ITSN1: variants seen among roughly 807,000 people sequenced by gnomAD.
ITSN1 encodes the protein intersectin-1.
In ITSN1, 58 loss-of-function variants were observed where a neutral mutation model predicts 239.8. That is an observed-to-expected ratio of 0.24 (90% confidence interval 0.20 to 0.30). The LOEUF (loss-of-function observed/expected upper bound fraction) is 0.30, where lower values mean the gene tolerates loss of function less well. Among genes scored for constraint, ITSN1 ranks in the 10% least tolerant of loss-of-function variants. The pLI is 1.00. For missense variants in ITSN1, 1,558 were observed against 2,103.3 expected, an observed-to-expected ratio of 0.74 and a Z score of 5.07; for synonymous variants, 780 against 770.8, an observed-to-expected ratio of 1.01 and a Z score of -0.20.
At chr21:33,833,079 A>G (rs2074388735) in intron 27 of ITSN1, among the ~76,000 whole-genome samples, 1 of 151,978 alleles carries the variant, frequency 6.6e-6, no homozygotes, top group Admixed American at 6.5e-5. Context: ...GGTGGTGTAC[A>G]GAAGGGTAGT....
rs1052692501 is a variant in ITSN1 at position 33,722,523 on chromosome 21, A to G, written c.122-65A>G. 7.9e-6 allele frequency: 12 copies of G among 1,512,848 alleles called. No homozygotes were observed. In the African/African-American group the frequency reaches 1.6e-4, roughly 20 times the overall value. The allele number at this position is 1,512,848 out of a possible 1,614,324, so 93.7% of individuals were successfully genotyped here. On this transcript the variant is annotated intron_variant, in intron 3 of 39. Transcript: ENST00000381318. Reference sequence around the variant, plus strand: ...TTGTAAATTTTGTAATTTTGCTATTACAGGATTTCTGTCAGCTGTTGTTTT... The same window carrying G: ...TTGTAAATTTTGTAATTTTGCTATTGCAGGATTTCTGTCAGCTGTTGTTTT...
At chr21:33,813,259 C>T (rs934998478) in intron 21 of ITSN1, among the ~76,000 whole-genome samples, 2 of 152,120 alleles carry the variant, frequency 1.3e-5, no homozygotes, top group African/African-American at 4.8e-5. Flanking sequence ...CAGCAGCTCA[C>T]TGCAACTTCC....
At chr21:33,754,352 A>G (rs2067772207) in intron 7 of ITSN1, 1 of 152,246 alleles carries the variant, frequency 6.6e-6, no homozygotes, top group Non-Finnish European at 1.5e-5. Flanking sequence ...TAGATAACAC[A>G]TGGAAATGAT....
At chr21:33,731,762 C>T (rs993984749) in intron 4 of ITSN1, among the ~76,000 whole-genome samples, 10 of 152,122 alleles carry the variant, frequency 6.6e-5, no homozygotes, top group Admixed American at 2.6e-4. Context: ...ATACAGTAAC[C>T]ATTTCTAATA....
At chr21:33,729,567 C>G (rs2066040607) in intron 4 of ITSN1, among the ~76,000 whole-genome samples, 1 of 151,984 alleles carries the variant, frequency 6.6e-6, no homozygotes, top group Non-Finnish European at 1.5e-5. Flanking sequence ...TAAGGACATG[C>G]CGGGAGGAAA....
chr21:33,694,626 G>A (rs1002084569), intron 1 of ITSN1, among the ~76,000 whole-genome samples: 5 of 152,076 alleles, frequency 3.3e-5, no homozygotes. Flanking sequence ...TTCAAAACCA[G>A]CCTGGCCAAC....
intron 12 of ITSN1, chr21:33,774,401 C>A (rs540819224): frequency 5.6e-4 from 101 of 181,406 alleles, no homozygotes; most frequent in Admixed American, 9.1e-4. Context: ...TCCTTCTTGG[C>A]GTGTCAGTAA....
intron 8 of ITSN1, among the ~76,000 whole-genome samples, chr21:33,756,037 C>T (rs1412007019): frequency 1.3e-5 from 2 of 152,072 alleles, no homozygotes; most frequent in Admixed American, 1.3e-4. Context: ...GGTGCAGTGG[C>T]TCACGCCTGT....
At chr21:33,650,936 T>C (rs966728507) in intron 1 of ITSN1, among the ~76,000 whole-genome samples, 1 of 152,230 alleles carries the variant, frequency 6.6e-6, no homozygotes, top group African/African-American at 2.4e-5. Flanking sequence ...GTTATTACAA[T>C]TGTTGTTTTA....
intron 4 of ITSN1, among the ~76,000 whole-genome samples, chr21:33,730,388 CTTTTTTTT>C (rs71194863): frequency 8.1e-5 from 4 of 49,346 alleles, no homozygotes; most frequent in African/African-American, 1.6e-4. Context: ...GCTCTCTGTT[CTTTTTTTT>C]TTTTTTTTTT....
intron 1 of ITSN1, among the ~76,000 whole-genome samples, chr21:33,671,395 T>G (rs910608042): frequency 3.6e-4 from 54 of 152,082 alleles, no homozygotes; most frequent in African/African-American, 1.3e-3. Context: ...CAAGTGATTC[T>G]TCTGCCTCAG....
chr21:33,761,033 C>A (rs1378440743), intron 8 of ITSN1, among the ~76,000 whole-genome samples: 7 of 146,054 alleles, frequency 4.8e-5, no homozygotes, highest in East Asian at 2.0e-4. Context: ...TCCAGGAATT[C>A]TTCTTTTTTT....
At chr21:33,717,554 C>T (rs367618056) in intron 1 of ITSN1, among the ~76,000 whole-genome samples, 2 of 151,948 alleles carry the variant, frequency 1.3e-5, no homozygotes, top group African/African-American at 4.8e-5. Context: ...GAAAAATATT[C>T]ACTAAATCTG....
chr21:33,874,212 G>A (rs1189717373), intron 33 of ITSN1, among the ~76,000 whole-genome samples: 1 of 151,390 alleles, frequency 6.6e-6, no homozygotes, highest in Non-Finnish European at 1.5e-5. Flanking sequence ...ATCATGGGTG[G>A]TCTGTGGTGG....
At chr21:33,760,817 G>C (rs780287354) in intron 8 of ITSN1, among the ~76,000 whole-genome samples, 4 of 152,120 alleles carry the variant, frequency 2.6e-5, no homozygotes, top group Non-Finnish European at 5.9e-5. Flanking sequence ...CCATTCCTCT[G>C]TCCAGCAGTC....
Position 33,700,951 on chromosome 21 carries a change from C to CTGTGTGTGTGTGTG in ITSN1, c.-32-17820_-32-17807dup, listed in dbSNP as rs72389168. ...AGTACATGTAGAAGATTTCTTTTTTCTGTGTGTGTGTGTGTGTGTGTGTGT... is the reference window on the plus strand; with the variant it reads ...AGTACATGTAGAAGATTTCTTTTTTCTGTGTGTGTGTGTGTGTGTGTGTGTGTGTGTGTGTGTGT... On this transcript the variant is annotated intron_variant, in intron 1 of 39. Coordinates refer to ENST00000381318, the MANE Select transcript of ITSN1 (RefSeq NM_003024.3). Among the ~76,000 whole-genome samples, 320 of 141,856 alleles carry CTGTGTGTGTGTGTG rather than the reference C, an allele frequency of 2.3e-3. 1 individual carries two copies. Among genetic ancestry groups the CTGTGTGTGTGTGTG allele is most frequent in the African/African-American group, 6.2e-3 (233 of 37,652 alleles). The allele number at this position is 141,856 out of a possible 152,430, so 93.1% of individuals were successfully genotyped here.
intron 20 of ITSN1, among the ~76,000 whole-genome samples, chr21:33,805,509 A>C (rs1369292012): frequency 6.6e-6 from 1 of 152,182 alleles, no homozygotes; most frequent in African/African-American, 2.4e-5. Flanking sequence ...GGGTTGGCTC[A>C]AATCTGGCCC....
intron 29 of ITSN1, chr21:33,837,259 T>C: frequency 8.2e-7 from 1 of 1,217,244 alleles, no homozygotes; most frequent in Non-Finnish European, 1.0e-6. Context: ...CTTTTGTGGC[T>C]TTCCTAGTTA....
chr21:33,684,620 C>A (rs954761230), intron 1 of ITSN1, among the ~76,000 whole-genome samples: 1 of 151,870 alleles, frequency 6.6e-6, no homozygotes, highest in East Asian at 1.9e-4. Context: ...GAAAGAGGGT[C>A]TCTTATTAGG....
Sources: allele counts gnomAD v4.1 joint callset (sites outside exome capture counted in the v4.1 genomes callset), GRCh38; gene constraint gnomAD v4.1.1; transcripts MANE v1.5; gene names NCBI Gene and HGNC (gene_info 2026-07-23, HGNC 2026-07-21).